The following FMNL2 variants were observed in gnomAD, a reference collection of about 807,000 sequenced individuals.
FMNL2 encodes formin like 2.
In FMNL2, 51 loss-of-function variants were observed where a neutral mutation model predicts 130.2. That is an observed-to-expected ratio of 0.39 (90% CI 0.31 to 0.49). The LOEUF (loss-of-function observed/expected upper bound fraction) is 0.49. Among genes scored for constraint, FMNL2 ranks in the 20% least tolerant of loss-of-function variants. FMNL2 has a pLI of 0.85. For missense variants in FMNL2, 977 were observed against 1,316.2 expected (o/e 0.74, Z 3.99); for synonymous variants, 465 against 467.1 (o/e 1.00, Z 0.06).
chr2:152,359,289 CTG>C (rs1273567842), intron 1 of FMNL2, among the ~76,000 whole-genome samples: 1 of 152,080 alleles, frequency 6.6e-6, no homozygotes, highest in Non-Finnish European at 1.5e-5. Context: ...AAGGAGATAA[CTG>C]TAATTAATTC....
At chr2:152,418,787 T>G (rs1408378461) in intron 1 of FMNL2, among the ~76,000 whole-genome samples, 1 of 152,194 alleles carries the variant, frequency 6.6e-6, no homozygotes, top group Non-Finnish European at 1.5e-5. Flanking sequence ...AGTATCTGTT[T>G]AAGTTTCTGC....
At chr2:152,643,435 C>T in intron 25 of FMNL2, 1 of 1,536,100 alleles carries the variant, frequency 6.5e-7, no homozygotes, top group Non-Finnish European at 8.7e-7. Flanking sequence ...AGACTGTGCC[C>T]TTTACTGCTC....
At chr2:152,434,610 G>A (rs901081469) in intron 1 of FMNL2, among the ~76,000 whole-genome samples, 6 of 151,878 alleles carry the variant, frequency 4.0e-5, no homozygotes, top group African/African-American at 1.5e-4. Flanking sequence ...GTGGTGGCAG[G>A]GTCTTCCCCC....
intron 2 of FMNL2, among the ~76,000 whole-genome samples, chr2:152,523,565 A>G (rs1311807207): frequency 2.6e-5 from 4 of 152,236 alleles, no homozygotes; most frequent in Admixed American, 1.3e-4. Flanking sequence ...AACAAAGATT[A>G]TTCTTGCATT....
intron 2 of FMNL2, among the ~76,000 whole-genome samples, chr2:152,529,364 C>T (rs543871809): frequency 3.3e-5 from 5 of 152,110 alleles, no homozygotes; most frequent in Non-Finnish European, 7.3e-5. Flanking sequence ...ATTTTTCCCA[C>T]ACCTCAGAAG....
chr2:152,404,666 G>A (rs71417222), intron 1 of FMNL2, among the ~76,000 whole-genome samples: 1,806 of 152,210 alleles, frequency 0.012, 27 homozygotes, highest in African/African-American at 0.036. Flanking sequence ...TGGTGGTGGC[G>A]GTGGCAGTGG....
At chr2:152,527,449 T>C (rs886443793) in intron 2 of FMNL2, among the ~76,000 whole-genome samples, 2 of 152,318 alleles carry the variant, frequency 1.3e-5, no homozygotes, top group East Asian at 3.9e-4. Context: ...CATTACAAAC[T>C]GGAAAAAGAT....
At chr2:152,553,954 T>TATAC (rs1695073601) in intron 4 of FMNL2, among the ~76,000 whole-genome samples, 1 of 152,190 alleles carries the variant, frequency 6.6e-6, no homozygotes, top group African/African-American at 2.4e-5. Context: ...AATTGGGTCT[T>TATAC]ATACACACTT....
Position 152,433,207 on chromosome 2 carries a change from G to T in FMNL2, c.118-88736G>T, listed in dbSNP as rs375600351. 9.8e-4 allele frequency among the ~76,000 whole-genome samples: 149 copies of T among 152,296 alleles called. No individual in the cohort carries two copies. The East Asian group carries it at 0.019, about 19-fold the overall frequency. The stretch of plus-strand genomic sequence containing the variant: ...CTAACTAATGAAGGAAAGGGAAATT[G>T]CTGTGTGCCATCAAGCAGAGGATCA... On this transcript the variant is annotated intron_variant, in intron 1 of 25. Transcript: ENST00000288670.
chr2:152,412,446 T>TATATA (rs1686344924), intron 1 of FMNL2, among the ~76,000 whole-genome samples: 2 of 103,214 alleles, frequency 1.9e-5, no homozygotes, highest in African/African-American at 4.3e-5. Context: ...TCTGTATATT[T>TATATA]TATATATATA....
At chr2:152,558,625 C>T (rs1345560585) in intron 4 of FMNL2, 115 bp from the exon 5 acceptor site, 2 of 873,404 alleles carry the variant, frequency 2.3e-6, no homozygotes, top group Non-Finnish European at 3.6e-6. Context: ...CTCCCTATGT[C>T]CTTTCAGGCA....
intron 2 of FMNL2, among the ~76,000 whole-genome samples, chr2:152,533,451 CTCTAT>C (rs1018323569): frequency 2.6e-5 from 4 of 151,114 alleles, no homozygotes; most frequent in African/African-American, 9.7e-5. Context: ...TTTTTGTGTT[CTCTAT>C]TCTGTTCTAC....
chr2:152,601,602 T>C (rs1698063784), intron 9 of FMNL2, among the ~76,000 whole-genome samples: 1 of 149,168 alleles, frequency 6.7e-6, no homozygotes, highest in African/African-American at 2.5e-5. Context: ...CGCCGGCCGA[T>C]TGCTTTCTTA....
chr2:152,412,470 AT>A (rs1686362987), intron 1 of FMNL2, among the ~76,000 whole-genome samples: 4 of 20,306 alleles, frequency 2.0e-4, no homozygotes, highest in African/African-American at 6.0e-4. Context: ...ATATATATAT[AT>A]ATATATATAT....
At chr2:152,500,348 A>G (rs186448011) in intron 1 of FMNL2, among the ~76,000 whole-genome samples, 2 of 152,270 alleles carry the variant, frequency 1.3e-5, no homozygotes. Context: ...GGCAAAATTT[A>G]TTGGTGGGAA....
intron 1 of FMNL2, among the ~76,000 whole-genome samples, chr2:152,346,111 A>C (rs971170380): frequency 2.0e-5 from 3 of 151,258 alleles, no homozygotes; most frequent in Non-Finnish European, 4.4e-5. Context: ...TGCAACCTCC[A>C]CCTCCTGGGT....
intron 1 of FMNL2, among the ~76,000 whole-genome samples, chr2:152,512,152 T>G (rs1193939000): frequency 6.6e-6 from 1 of 152,166 alleles, no homozygotes; most frequent in African/African-American, 2.4e-5. Flanking sequence ...CACACAAATG[T>G]GTGGATTCAG....
At chr2:152,462,977 T>G (rs548239484) in intron 1 of FMNL2, among the ~76,000 whole-genome samples, 1 of 152,328 alleles carries the variant, frequency 6.6e-6, no homozygotes, top group South Asian at 2.1e-4. Context: ...ATTGGATGTT[T>G]GTAGTCCAAC....
chr2:152,390,158 C>G, intron 1 of FMNL2: 1 of 1,268,546 alleles, frequency 7.9e-7, no homozygotes, highest in Non-Finnish European at 1.2e-6. Context: ...CCAATTACTG[C>G]TGGACCCAGA....
Sources: gnomAD v4.1 joint callset for allele counts (sites outside exome capture counted in the v4.1 genomes callset) on GRCh38, gnomAD v4.1.1 for gene constraint, MANE v1.5 for transcripts, NCBI Gene and HGNC (gene_info 2026-07-23, HGNC 2026-07-21) for gene names.